RABGAP1L: variants seen among roughly 807,000 people sequenced by gnomAD.
RABGAP1L encodes RAB GTPase activating protein 1 like, also known as rab GTPase-activating protein 1-like.
RABGAP1L carries 63 observed loss-of-function variants against 137.7 expected under a neutral mutation model. The observed-to-expected ratio is 0.46, with a 90% CI of 0.37 to 0.56. The LOEUF is 0.56. Ranked by LOEUF, RABGAP1L falls within the 20% of genes least tolerant of loss-of-function variation. RABGAP1L has a pLI of 0.00. For missense variants in RABGAP1L, 1,095 were observed against 1,244.0 expected (o/e 0.88, Z 1.80); for synonymous variants, 431 against 433.7 (o/e 0.99, Z 0.08).
At chr1:174,821,700 G>A (rs901157096) in intron 19 of RABGAP1L, among the ~76,000 whole-genome samples, 2 of 152,158 alleles carry the variant, frequency 1.3e-5, no homozygotes, top group African/African-American at 2.4e-5. Flanking sequence ...GTTGCTGTAC[G>A]TGAACAAGAA....
intron 19 of RABGAP1L, among the ~76,000 whole-genome samples, chr1:174,916,561 C>T (rs76744134): frequency 0.021 from 3,190 of 152,158 alleles, 48 homozygotes; most frequent in Middle Eastern, 0.078. Context: ...TACAGGTTAA[C>T]GAAGAGATCT....
intron 19 of RABGAP1L, among the ~76,000 whole-genome samples, chr1:174,868,713 T>A (rs1369758649): frequency 2.6e-5 from 4 of 152,176 alleles, no homozygotes; most frequent in Admixed American, 1.3e-4. Flanking sequence ...TTCAATTTAA[T>A]GAGAGGTAAT....
intron 11 of RABGAP1L, among the ~76,000 whole-genome samples, chr1:174,321,059 A>C (rs532425914): frequency 1.3e-5 from 2 of 152,126 alleles, no homozygotes; most frequent in African/African-American, 4.8e-5. Flanking sequence ...TCCTAGGGGG[A>C]GGTCTCTAAA....
At chr1:174,907,530 G>T (rs543558337) in intron 19 of RABGAP1L, among the ~76,000 whole-genome samples, 1 of 151,962 alleles carries the variant, frequency 6.6e-6, no homozygotes, top group Non-Finnish European at 1.5e-5. Flanking sequence ...GCCCAGGCTG[G>T]TCACAAACTC....
chr1:174,182,457 G>A (rs1192723179), intron 1 of RABGAP1L, among the ~76,000 whole-genome samples: 1 of 152,206 alleles, frequency 6.6e-6, no homozygotes, highest in Non-Finnish European at 1.5e-5. Flanking sequence ...ACTTTGGTTA[G>A]AGGTAAAGAA....
intron 13 of RABGAP1L, among the ~76,000 whole-genome samples, chr1:174,579,094 CATT>C (rs1424056877): frequency 6.6e-6 from 1 of 152,112 alleles, no homozygotes; most frequent in Non-Finnish European, 1.5e-5. Flanking sequence ...ATTTAGCAAA[CATT>C]ATGCCTTCTA....
At chr1:174,375,668 C>A (rs1685461638) in intron 12 of RABGAP1L, among the ~76,000 whole-genome samples, 1 of 152,052 alleles carries the variant, frequency 6.6e-6, no homozygotes, top group African/African-American at 2.4e-5. Flanking sequence ...AATAAATAAC[C>A]TGAATACTCC....
At chr1:174,920,996 C>G (rs1237505036) in intron 19 of RABGAP1L, among the ~76,000 whole-genome samples, 1 of 152,172 alleles carries the variant, frequency 6.6e-6, no homozygotes, top group Non-Finnish European at 1.5e-5. Flanking sequence ...GATCTTGGCT[C>G]ACTGCAGCCT....
At chr1:174,319,814 A>T (rs1317971126) in intron 11 of RABGAP1L, among the ~76,000 whole-genome samples, 1 of 152,052 alleles carries the variant, frequency 6.6e-6, no homozygotes, top group East Asian at 1.9e-4. Context: ...TTTCTTCTTT[A>T]GCTGTTGATG....
At chr1:174,875,649 G>A in intron 19 of RABGAP1L, 1 of 985,392 alleles carries the variant, frequency 1.0e-6, no homozygotes, top group Non-Finnish European at 1.2e-6. Context: ...TCTGGTGCTG[G>A]TGAATGCATG....
chr1:174,823,324 C>T (rs946514704), intron 19 of RABGAP1L, among the ~76,000 whole-genome samples: 11 of 152,152 alleles, frequency 7.2e-5, no homozygotes, highest in African/African-American at 1.9e-4. Context: ...GTTGCCATAA[C>T]GTTAGAACTT....
intron 13 of RABGAP1L, among the ~76,000 whole-genome samples, chr1:174,624,940 G>C (rs946685920): frequency 6.8e-6 from 1 of 147,216 alleles, no homozygotes. Flanking sequence ...GCGCAGTCTT[G>C]GTTCACTGCA....
chr1:174,783,449 C>T lies in RABGAP1L; in HGVS notation c.2212-28383C>T, dbSNP rs76343347. Among the ~76,000 whole-genome samples the T allele has an allele frequency of 8.0e-3, 1,223 of 152,150 alleles. 16 individuals are homozygous for T. The highest frequency in any genetic ancestry group is 0.01 in the African/African-American group (426 of 41,514). ...TAAGAACAAAGACCCACCCTGCCCC[C>T]GCCGCCCGTAACAGTATGAGGGAGT... On this transcript the variant is annotated intron_variant, in intron 18 of 25. Transcript: ENST00000681986.
intron 17 of RABGAP1L, among the ~76,000 whole-genome samples, chr1:174,735,827 T>C (rs1253200086): frequency 2.0e-5 from 3 of 151,958 alleles, no homozygotes; most frequent in Admixed American, 2.0e-4. Flanking sequence ...CCACACTCTT[T>C]TAAGCAACAA....
At chr1:174,393,581 A>G (rs755409941) in intron 12 of RABGAP1L, among the ~76,000 whole-genome samples, 1 of 152,192 alleles carries the variant, frequency 6.6e-6, no homozygotes, top group African/African-American at 2.4e-5. Context: ...ATCCGTTTTC[A>G]ACATCATTTC....
At chr1:174,369,249 G>C (rs573553966) in intron 11 of RABGAP1L, among the ~76,000 whole-genome samples, 1 of 152,230 alleles carries the variant, frequency 6.6e-6, no homozygotes, top group African/African-American at 2.4e-5. Flanking sequence ...GAGTGCAGTG[G>C]CACAATCTTG....
At chr1:174,911,136 A>T (rs918676845) in intron 19 of RABGAP1L, among the ~76,000 whole-genome samples, 2 of 151,982 alleles carry the variant, frequency 1.3e-5, no homozygotes, top group Non-Finnish European at 2.9e-5. Context: ...CTATTTTTAA[A>T]TTTTTTTATT....
intron 13 of RABGAP1L, among the ~76,000 whole-genome samples, chr1:174,436,591 C>G (rs1436240546): frequency 6.6e-6 from 1 of 152,072 alleles, no homozygotes; most frequent in African/African-American, 2.4e-5. Context: ...AAAATTTTCT[C>G]CCATTTTGTA....
chr1:174,573,128 T>A (rs184539128), intron 13 of RABGAP1L, among the ~76,000 whole-genome samples: 2 of 152,114 alleles, frequency 1.3e-5, no homozygotes, highest in African/African-American at 2.4e-5. Flanking sequence ...TATATATATG[T>A]ATACACTATT....
Sources: allele counts gnomAD v4.1 joint callset (sites outside exome capture counted in the v4.1 genomes callset), GRCh38; gene constraint gnomAD v4.1.1; transcripts MANE v1.5; gene names NCBI Gene and HGNC (gene_info 2026-07-23, HGNC 2026-07-21).